SERAC1: variants seen among roughly 807,000 people sequenced by gnomAD.
SERAC1 encodes serine active site containing 1.
In SERAC1, 36 loss-of-function variants were observed where a neutral mutation model predicts 85.7. The ratio of observed to expected loss-of-function variants is 0.42; its 90% confidence interval spans 0.32 to 0.55. SERAC1 has a LOEUF of 0.55. SERAC1 is among the 20% of genes least tolerant of loss of function. The pLI is 0.11. For missense variants in SERAC1, 629 were observed against 796.2 expected, an observed-to-expected ratio of 0.79 and a Z score of 2.53; for synonymous variants, 242 against 265.3, an observed-to-expected ratio of 0.91 and a Z score of 0.85.
At chr6:158,146,165 A>G (rs1045548903) in intron 6 of SERAC1, 1 of 152,188 alleles carries the variant, frequency 6.6e-6, no homozygotes, top group African/African-American at 2.4e-5. Flanking sequence ...CAGAATCAAG[A>G]GTTGCTCTCA....
At chr6:158,164,311 T>C (rs1431527914) in intron 1 of SERAC1, among the ~76,000 whole-genome samples, 5 of 151,690 alleles carry the variant, frequency 3.3e-5, no homozygotes, top group African/African-American at 1.2e-4. Context: ...CCATCTCTAC[T>C]AAAAATTCAA....
Position 158,130,618 on chromosome 6 carries a change from G to A in SERAC1, c.739-132C>T, listed in dbSNP as rs555202695. The A allele has an allele frequency of 1.1e-3, 641 of 576,564 alleles. 1 individual carries two copies. The highest frequency in any genetic ancestry group is 7.1e-3 in the Middle Eastern group (15 of 2,116). The allele number at this position is 576,564 out of a possible 1,614,324, so 35.7% of individuals were successfully genotyped here. A position where few individuals can be genotyped will look rare whatever the true frequency, so the allele number is the denominator to read the frequency against. On this transcript the variant is annotated intron_variant, in intron 8 of 16. Transcript: ENST00000647468. ...ATGTGTAGGGCCTCAAAATATGTTG[G>A]AAATGTAAAAGGAACTTTATGCAAA... is the stretch of plus-strand genomic sequence containing the variant.
intron 8 of SERAC1, among the ~76,000 whole-genome samples, chr6:158,139,954 G>C (rs1784877974): frequency 6.6e-6 from 1 of 152,112 alleles, no homozygotes; most frequent in South Asian, 2.1e-4. Context: ...ATTGCTGGTG[G>C]GAATGTAAAA....
Position 158,117,595 on chromosome 6 carries a change from G to C in SERAC1, c.1403+132C>G, listed in dbSNP as rs776848798. On this transcript the variant is annotated intron_variant, in intron 13 of 16. Transcript: ENST00000647468. The surrounding 1 kb of genome is among the most constrained non-coding windows in gnomAD (Gnocchi z 4.3). Reference sequence around the variant, plus strand: ...CTCCTTCTAGAAGGAAGACAAAAAAGATTAGGTTTGTTCTTCATAAGAAAA... The same window carrying C: ...CTCCTTCTAGAAGGAAGACAAAAAACATTAGGTTTGTTCTTCATAAGAAAA... 17 of 1,557,060 alleles carry C rather than the reference G, an allele frequency of 1.1e-5. No individual in the cohort carries two copies. The South Asian group carries it at 1.3e-4, about 12-fold the overall frequency.
chr6:158,137,462 A>T (rs1784820363), intron 8 of SERAC1, among the ~76,000 whole-genome samples: 1 of 152,140 alleles, frequency 6.6e-6, no homozygotes, highest in African/African-American at 2.4e-5. Flanking sequence ...GGATGGATAT[A>T]TGTGTCTGTG....
At chr6:158,152,646 G>C (rs1408877363) in intron 3 of SERAC1, 3 of 152,252 alleles carry the variant, frequency 2.0e-5, no homozygotes, top group African/African-American at 7.2e-5. Flanking sequence ...CTCCACTCAT[G>C]GTAAGTGCCC....
rs748242579 is a variant in SERAC1, at chr6:158,119,066, A to T, written c.1271T>A (p.Met424Lys). ...CGTCGTATATCTGTCTTCATCCTCC[A>T]TAGGTTTTTCAATTACAGCCTGCTC... ...DSEQAVIEKP[M>K]EDEDRYTTCW... Residue 424 changes from methionine to lysine, a missense_variant, in exon 12 of 17, where the codon ATG (methionine) becomes AAG (lysine). Transcript: ENST00000647468. This position sits in a 1 kb window ranked among gnomAD's most constrained non-coding sequence, Gnocchi z 4.5. 6.2e-7 allele frequency: 1 copy of T among 1,613,920 alleles called. No homozygotes were observed. The highest frequency in any genetic ancestry group is 1.1e-5 in the South Asian group (1 of 91,042).
chr6:158,161,775 G>A (rs1785493222), intron 1 of SERAC1: 1 of 152,012 alleles, frequency 6.6e-6, no homozygotes, highest in African/African-American at 2.4e-5. Context: ...CCAATCCCAG[G>A]TGCATACCCC....
At chr6:158,161,811 C>T (rs778351546) in intron 1 of SERAC1, 1 of 152,118 alleles carries the variant, frequency 6.6e-6, no homozygotes, top group Non-Finnish European at 1.5e-5. Flanking sequence ...GCCAATGCTT[C>T]CCTTACTCTA....
At chr6:158,163,340 C>T (rs1351615668) in intron 1 of SERAC1, among the ~76,000 whole-genome samples, 2 of 152,140 alleles carry the variant, frequency 1.3e-5, no homozygotes, top group African/African-American at 4.8e-5. Context: ...ACTTGTTTTA[C>T]AGTAAATTTT....
chr6:158,113,919 T>A (rs1784210459), intron 15 of SERAC1, among the ~76,000 whole-genome samples: 1 of 151,966 alleles, frequency 6.6e-6, no homozygotes, highest in African/African-American at 2.4e-5. Flanking sequence ...AAGCCCAGCC[T>A]CCCACCAACA....
chr6:158,126,563 G>A (rs951828420), intron 10 of SERAC1, among the ~76,000 whole-genome samples: 1 of 152,194 alleles, frequency 6.6e-6, no homozygotes, highest in African/African-American at 2.4e-5. Flanking sequence ...TAACTGCAGA[G>A]GGTGTGCTGG....
chr6:158,123,228 T>C (rs1167754947), intron 10 of SERAC1, among the ~76,000 whole-genome samples: 1 of 152,192 alleles, frequency 6.6e-6, no homozygotes, highest in Non-Finnish European at 1.5e-5. Context: ...ATGCAGATTA[T>C]GTTTTTCACA....
At position 158,143,452 on chromosome 6, in the gene SERAC1, A is replaced by G. The variant is rs1296722717; in HGVS notation, c.610-268T>C. 2.6e-5 allele frequency among the ~76,000 whole-genome samples: 4 copies of G among 151,964 alleles called. 1 individual carries two copies. Among genetic ancestry groups the G allele is most frequent in the Admixed American group, 2.6e-4 (4 of 15,210 alleles). On this transcript the variant is annotated intron_variant, in intron 7 of 16. Transcript: ENST00000647468. ...ATTAATTACTGCTTTCAGTCTTGAA[A>G]ACAGTCACCCACCCAGGTAAATAAA...
chr6:158,142,509 G>A (rs372535803), intron 8 of SERAC1, among the ~76,000 whole-genome samples: 1 of 140,466 alleles, frequency 7.1e-6, no homozygotes, highest in Admixed American at 7.2e-5. Context: ...GCGGAGTCTC[G>A]CTCTGTCACC....
Position 158,117,599 on chromosome 6 carries a change from AG to A in SERAC1, c.1403+127del. On this transcript the variant is annotated intron_variant, in intron 13 of 16. Coordinates refer to ENST00000647468, the MANE Select transcript of SERAC1 (RefSeq NM_032861.4). This position sits in a 1 kb window ranked among gnomAD's most constrained non-coding sequence, Gnocchi z 4.3. ...TTCTAGAAGGAAGACAAAAAAGATT[AG>A]GTTTGTTCTTCATAAGAAAATCCTG... is the stretch of plus-strand genomic sequence containing the variant. 1 of 1,559,176 alleles carries A rather than the reference AG, an allele frequency of 6.4e-7. No homozygotes were observed. Among genetic ancestry groups the A allele is most frequent in the Non-Finnish European group, 8.7e-7 (1 of 1,150,250 alleles).
chr6:158,118,956 A>G, intron 12 of SERAC1, 73 bp downstream of exon 12: 1 of 1,532,856 alleles, frequency 6.5e-7, no homozygotes, highest in Non-Finnish European at 8.8e-7. Context: ...AAAGAGAAAA[A>G]CAAGCAAGCC....
At chr6:158,146,599 C>CG (rs1785065439) in intron 6 of SERAC1, 183 bp downstream of exon 6, 3 of 531,976 alleles carry the variant, frequency 5.6e-6, no homozygotes, top group Admixed American at 3.5e-5. Flanking sequence ...TTAGTAGAGA[C>CG]GGGGTTTCAC....
rs7741330 is a variant in SERAC1 at position 158,131,125 on chromosome 6, A to G, written c.739-639T>C. On this transcript the variant is annotated intron_variant, in intron 8 of 16. Transcript: ENST00000647468. ...ATGTTTTCAAAATTAAAGCATTTCA[A>G]TTTCAACTCTTATCACAGATCAAGG... Among the ~76,000 whole-genome samples, 1,460 of 151,806 alleles carry G rather than the reference A, an allele frequency of 9.6e-3. 24 individuals are homozygous for G. The highest frequency in any genetic ancestry group is 0.033 in the African/African-American group (1,360 of 41,492).
Sources: gnomAD v4.1 joint callset for allele counts (sites outside exome capture counted in the v4.1 genomes callset) on GRCh38, gnomAD v4.1.1 for gene constraint, Gnocchi (gnomAD v3.1) non-coding constraint, MANE v1.5 for transcripts, NCBI Gene and HGNC (gene_info 2026-07-23, HGNC 2026-07-21) for gene names.